Variants in OSBPL3 observed in about 807,000 individuals in gnomAD.
OSBPL3 encodes oxysterol binding protein like 3.
In OSBPL3, 65 loss-of-function variants were observed where a neutral mutation model predicts 120.1. The ratio of observed to expected loss-of-function variants is 0.54; its 90% CI spans 0.44 to 0.67. The LOEUF (loss-of-function observed/expected upper bound fraction) is 0.67, where lower values mean the gene tolerates loss of function less well. Ranked by LOEUF, OSBPL3 falls within the 30% of genes least tolerant of loss-of-function variation. The probability of loss-of-function intolerance (pLI) is 0.00; values close to 1 mark genes in which losing one functional copy is unlikely to be tolerated. For missense variants in OSBPL3, 1,004 were observed against 1,082.1 expected (o/e 0.93, Z 1.01); for synonymous variants, 416 against 402.6 (o/e 1.03, Z -0.40).
chr7:24,842,592 C>G (rs138351497), intron 12 of OSBPL3, among the ~76,000 whole-genome samples, 179 bp from the exon 13 acceptor site: 1 of 152,318 alleles, frequency 6.6e-6, no homozygotes, highest in African/African-American at 2.4e-5. Context: ...AGTTCTCCCC[C>G]AATATGGGCA....
chr7:24,922,365 T>C lies in OSBPL3; in HGVS notation c.-149-29744A>G, dbSNP rs1218704132. ...TGTGACCTTGAGCAAATCTGCTTCC[T>C]TGTGCCTTGATATTCTCAACCAGGG... On this transcript the variant is annotated intron_variant, in intron 1 of 22. Coordinates refer to ENST00000313367, the MANE Select transcript of OSBPL3 (RefSeq NM_015550.4). The surrounding 1 kb of genome is among the most constrained non-coding windows in gnomAD (Gnocchi z 4.3). Among the ~76,000 whole-genome samples the C allele has an allele frequency of 6.6e-6, 1 of 152,158 alleles. No homozygotes were observed. Among genetic ancestry groups the C allele is most frequent in the Non-Finnish European group, 1.5e-5 (1 of 68,010 alleles).
At chr7:24,829,573 C>T (rs1235953046) in intron 16 of OSBPL3, among the ~76,000 whole-genome samples, 1 of 152,110 alleles carries the variant, frequency 6.6e-6, no homozygotes, top group Non-Finnish European at 1.5e-5. Flanking sequence ...TTTAGCAATC[C>T]ACCCCCCTTC....
rs7781511 is a variant in OSBPL3, at chr7:24,964,282, G to A, written c.-150+15604C>T. Among the ~76,000 whole-genome samples the A allele has an allele frequency of 5.0e-3, 758 of 152,250 alleles. 3 individuals carry two copies. Among genetic ancestry groups the A allele is most frequent in the African/African-American group, 0.016 (652 of 41,548 alleles). ...TCCAAAGAGTATAGTATGGAAAGGC[G>A]AAGAAAAAATAACCATATGGTAGAG... is the stretch of plus-strand genomic sequence containing the variant. On this transcript the variant is annotated intron_variant, in intron 1 of 22. Coordinates refer to ENST00000313367, the MANE Select transcript of OSBPL3 (RefSeq NM_015550.4). This position sits in a 1 kb window ranked among gnomAD's most constrained non-coding sequence, Gnocchi z 4.2.
intron 1 of OSBPL3, among the ~76,000 whole-genome samples, chr7:24,954,707 C>T (rs986361639): frequency 1.3e-5 from 2 of 152,080 alleles, no homozygotes; most frequent in African/African-American, 4.8e-5. Context: ...AAGATGTGGA[C>T]CCTAAACAAA....
Position 24,938,671 on chromosome 7 carries a change from C to T in OSBPL3, c.-150+41215G>A, listed in dbSNP as rs541632040. ...GTTTGTTTGTTTGTTTGTTTTTAGG[C>T]TTCCTGGAAGTCCCATACAATACTC... On this transcript the variant is annotated intron_variant, in intron 1 of 22. Transcript: ENST00000313367. This position sits in a 1 kb window ranked among gnomAD's most constrained non-coding sequence, Gnocchi z 5.8. 8.6e-5 allele frequency among the ~76,000 whole-genome samples: 13 copies of T among 151,988 alleles called. No individual in the cohort carries two copies. The highest frequency in any genetic ancestry group is 1.6e-4 in the Non-Finnish European group (11 of 67,994).
At chr7:24,917,382 C>CATATATATAT (rs1266832261) in intron 1 of OSBPL3, among the ~76,000 whole-genome samples, 11 of 97,034 alleles carry the variant, frequency 1.1e-4, no homozygotes, top group Admixed American at 1.1e-3. Flanking sequence ...ATATTTGTAA[C>CATATATATAT]ATATATATAT....
At chr7:24,868,005 T>C (rs144993144) in intron 5 of OSBPL3, among the ~76,000 whole-genome samples, 2 of 152,188 alleles carry the variant, frequency 1.3e-5, no homozygotes, top group Non-Finnish European at 2.9e-5. Flanking sequence ...CAAGCACCTA[T>C]ATACCATAGA....
chr7:24,952,000 G>C (rs1316330093), intron 1 of OSBPL3, among the ~76,000 whole-genome samples: 1 of 152,134 alleles, frequency 6.6e-6, no homozygotes, highest in Non-Finnish European at 1.5e-5. Flanking sequence ...ACTGTTGACA[G>C]CAACACTTCT....
intron 14 of OSBPL3, among the ~76,000 whole-genome samples, chr7:24,836,598 C>A (rs1797027066): frequency 6.6e-6 from 1 of 152,098 alleles, no homozygotes; most frequent in Non-Finnish European, 1.5e-5. Context: ...TTCCTATCCT[C>A]CATTGTGCCT....
chr7:24,969,847 C>A (rs529915081), intron 1 of OSBPL3, among the ~76,000 whole-genome samples: 1 of 152,318 alleles, frequency 6.6e-6, no homozygotes, highest in South Asian at 2.1e-4. Context: ...CACCAAAACA[C>A]TTTCTGCTAA....
chr7:24,940,749 C>T lies in OSBPL3; in HGVS notation c.-150+39137G>A, dbSNP rs1228742655. Among the ~76,000 whole-genome samples, 2 of 151,946 alleles carry T rather than the reference C, an allele frequency of 1.3e-5. No homozygotes were observed. Among genetic ancestry groups the T allele is most frequent in the African/African-American group, 2.4e-5 (1 of 41,382 alleles). ...AACAGGCCAGGAACTCTAAGGCAAA[C>T]AGGAGACAGCTACAAACCAAAGCTC... On this transcript the variant is annotated intron_variant, in intron 1 of 22. Coordinates refer to ENST00000313367, the MANE Select transcript of OSBPL3 (RefSeq NM_015550.4). The surrounding 1 kb of genome is among the most constrained non-coding windows in gnomAD (Gnocchi z 4.4).
rs142720310 is a variant in OSBPL3 at position 24,938,779 on chromosome 7, ATGTGTGTGTG to A, written c.-150+41097_-150+41106del. Among the ~76,000 whole-genome samples the A allele has an allele frequency of 7.7e-3, 730 of 94,216 alleles. 4 individuals carry two copies. The highest frequency in any genetic ancestry group is 0.013 in the East Asian group (42 of 3,300). 61.8% of individuals were successfully genotyped at this position (94,216 alleles called of 152,430 possible). A position where few individuals can be genotyped will look rare whatever the true frequency, so the allele number is the denominator to read the frequency against. ...AACTGAATAATGAGGTTTTGTTTTG[ATGTGTGTGTG>A]TGTGTGTGTGTGTGTGTGTGTGTGT... On this transcript the variant is annotated intron_variant, in intron 1 of 22. Coordinates refer to ENST00000313367, the MANE Select transcript of OSBPL3 (RefSeq NM_015550.4). The surrounding 1 kb of genome is among the most constrained non-coding windows in gnomAD (Gnocchi z 5.8).
chr7:24,968,850 A>C lies in OSBPL3; in HGVS notation c.-150+11036T>G, dbSNP rs1816687590. ...TAAATCTCACATATCATTCCATATC[A>C]GAAAATGTAGAGCTGCCTCATTTTT... On this transcript the variant is annotated intron_variant, in intron 1 of 22. Transcript: ENST00000313367. This position sits in a 1 kb window ranked among gnomAD's most constrained non-coding sequence, Gnocchi z 4.6. Among the ~76,000 whole-genome samples, 1 of 152,232 alleles carries C rather than the reference A, an allele frequency of 6.6e-6. No individual in the cohort carries two copies. Among genetic ancestry groups the C allele is most frequent in the Non-Finnish European group, 1.5e-5 (1 of 68,044 alleles).
At chr7:24,975,124 T>C (rs1817438781) in intron 1 of OSBPL3, among the ~76,000 whole-genome samples, 1 of 152,208 alleles carries the variant, frequency 6.6e-6, no homozygotes, top group Admixed American at 6.5e-5. Flanking sequence ...TTCACAAAAA[T>C]TCCATTTGAA....
intron 19 of OSBPL3, among the ~76,000 whole-genome samples, chr7:24,811,216 AAC>A (rs1197322733): frequency 6.6e-6 from 1 of 152,206 alleles, no homozygotes; most frequent in African/African-American, 2.4e-5. Context: ...TAGCCATTCT[AAC>A]AGATATGAGG....
intron 12 of OSBPL3, among the ~76,000 whole-genome samples, chr7:24,847,134 G>C (rs1798552518): frequency 6.6e-6 from 1 of 151,966 alleles, no homozygotes; most frequent in South Asian, 2.1e-4. Flanking sequence ...TAAAAGGAGA[G>C]CACCTTGGGC....
At position 24,933,196 on chromosome 7, in the gene OSBPL3, G is replaced by A. The variant is rs1197067187; in HGVS notation, c.-149-40575C>T. 6.6e-6 allele frequency among the ~76,000 whole-genome samples: 1 copy of A among 152,142 alleles called. No homozygotes were observed. The highest frequency in any genetic ancestry group is 1.5e-5 in the Non-Finnish European group (1 of 68,020). ...TTAAAATGGGGAATAAAGAGGACAG[G>A]GACATTCAATTACACGTGTTCAAAG... On this transcript the variant is annotated intron_variant, in intron 1 of 22. Transcript: ENST00000313367. The surrounding 1 kb of genome is among the most constrained non-coding windows in gnomAD (Gnocchi z 5.1).
intron 5 of OSBPL3, among the ~76,000 whole-genome samples, chr7:24,868,473 G>A (rs1474168759): frequency 6.6e-6 from 1 of 151,084 alleles, no homozygotes; most frequent in Admixed American, 6.6e-5. Flanking sequence ...TGTAATTTAA[G>A]ATAATCCAAA....
In OSBPL3 at chr7:24,939,818, G is replaced by A. The variant is rs1356564233; in HGVS notation, c.-150+40068C>T. Among the ~76,000 whole-genome samples the A allele has an allele frequency of 6.6e-6, 1 of 152,086 alleles. No homozygotes were observed. Among genetic ancestry groups the A allele is most frequent in the Non-Finnish European group, 1.5e-5 (1 of 68,008 alleles). ...AAGGGGGAAAAAATCAGTAACAGGG[G>A]GCTATAACTAAAGTTAGGAGGGTGG... is the stretch of plus-strand genomic sequence containing the variant. On this transcript the variant is annotated intron_variant, in intron 1 of 22. Coordinates refer to ENST00000313367, the MANE Select transcript of OSBPL3 (RefSeq NM_015550.4). This position sits in a 1 kb window ranked among gnomAD's most constrained non-coding sequence, Gnocchi z 4.2.
Sources: gnomAD v4.1 joint callset for allele counts (sites outside exome capture counted in the v4.1 genomes callset) on GRCh38, gnomAD v4.1.1 for gene constraint, Gnocchi (gnomAD v3.1) non-coding constraint, MANE v1.5 for transcripts, NCBI Gene and HGNC (gene_info 2026-07-23, HGNC 2026-07-21) for gene names.